SLC14A2: variants seen among roughly 807,000 people sequenced by gnomAD.
SLC14A2 encodes the protein urea transporter 2.
SLC14A2 carries 91 observed loss-of-function variants against 104.6 expected under a neutral mutation model. The ratio of observed to expected loss-of-function variants is 0.87; its 90% CI spans 0.73 to 1.04. The LOEUF (loss-of-function observed/expected upper bound fraction) is 1.04. SLC14A2 is among the 50% of genes least tolerant of loss of function. The pLI, the probability that SLC14A2 is intolerant of heterozygous loss-of-function variation, is 0.00. For missense variants in SLC14A2, 1,189 were observed against 1,156.0 expected (o/e 1.03, Z -0.41); for synonymous variants, 476 against 466.4 (o/e 1.02, Z -0.27).
At position 45,220,553 on chromosome 18, in the gene SLC14A2, G is replaced by T. The variant is rs567025982; in HGVS notation, c.-125+7362G>T. On this transcript the variant is annotated intron_variant, in intron 1 of 20. Transcript: ENST00000586448. Reference sequence around the variant, plus strand: ...CCCTAAATGAGTCTACAGTGAACCTGTCTGTCTTTCTGTTGTCACAGGCAT... The same window carrying T: ...CCCTAAATGAGTCTACAGTGAACCTTTCTGTCTTTCTGTTGTCACAGGCAT... Among the ~76,000 whole-genome samples the T allele has an allele frequency of 1.7e-3, 164 of 99,002 alleles. 1 individual carries two copies. The highest frequency in any genetic ancestry group is 0.014 in the Middle Eastern group (3 of 218). 64.9% of individuals were successfully genotyped at this position (99,002 alleles called of 152,430 possible).
rs1226247242 is a variant in SLC14A2, at chr18:45,626,847, G to A, written c.332-111G>A. The A allele has an allele frequency of 7.4e-6, 6 of 809,078 alleles. No homozygotes were observed. The South Asian group carries it at 1.0e-4, about 14-fold the overall frequency. 50.1% of individuals were successfully genotyped at this position (809,078 alleles called of 1,614,324 possible). ...CCCGACCCCTGGCCTGGCTGAATGG[G>A]AAGGGTCCTGGCTTGCACATTCCTG... On this transcript the variant is annotated intron_variant, in intron 3 of 19. Transcript: ENST00000255226.
At chr18:45,387,155 C>T (rs1376601310) in intron 1 of SLC14A2, among the ~76,000 whole-genome samples, 1 of 152,210 alleles carries the variant, frequency 6.6e-6, no homozygotes, top group Non-Finnish European at 1.5e-5. Flanking sequence ...TGCTGTATCT[C>T]CCTTACAACT....
At chr18:45,240,284 A>T (rs1303816384) in intron 1 of SLC14A2, among the ~76,000 whole-genome samples, 4 of 147,472 alleles carry the variant, frequency 2.7e-5, no homozygotes, top group Non-Finnish European at 4.5e-5. Context: ...TTTAGTAGAG[A>T]TGGGGTTTCA....
chr18:45,230,853 G>A (rs551037122), intron 1 of SLC14A2, among the ~76,000 whole-genome samples: 32 of 152,290 alleles, frequency 2.1e-4, no homozygotes, highest in African/African-American at 6.7e-4. Flanking sequence ...CTTCTGGAAC[G>A]TAGTTTCTTA....
chr18:45,401,340 T>C (rs981522024), intron 1 of SLC14A2, among the ~76,000 whole-genome samples: 1 of 152,322 alleles, frequency 6.6e-6, no homozygotes, highest in South Asian at 2.1e-4. Context: ...GCCATGAGGG[T>C]AGGGACTATT....
At chr18:45,200,247 A>G in the SLC14A2 span, among the ~76,000 whole-genome samples, 1 of 152,168 alleles carries the variant, frequency 6.6e-6, no homozygotes, top group Non-Finnish European at 1.5e-5. Context: ...AGAAAATGGA[A>G]TAAGCTTGCC....
At chr18:45,627,222 G>A in intron 4 of SLC14A2, 75 bp downstream of exon 4, 1 of 1,387,626 alleles carries the variant, frequency 7.2e-7, no homozygotes, top group Non-Finnish European at 1.0e-6. Context: ...TGAGTAATCA[G>A]TCAACCTTAC....
chr18:45,467,279 C>T (rs2087161525), intron 1 of SLC14A2, among the ~76,000 whole-genome samples: 1 of 152,188 alleles, frequency 6.6e-6, no homozygotes, highest in Non-Finnish European at 1.5e-5. Flanking sequence ...GGGAGCTGGC[C>T]TCACGAATAA....
At chr18:45,588,909 G>A (rs1186264487) in intron 2 of SLC14A2, among the ~76,000 whole-genome samples, 1 of 152,062 alleles carries the variant, frequency 6.6e-6, no homozygotes, top group Non-Finnish European at 1.5e-5. Context: ...GTTACAGGGA[G>A]AGGTGAAAGG....
intron 2 of SLC14A2, among the ~76,000 whole-genome samples, chr18:45,598,625 T>C (rs978876995): frequency 6.6e-6 from 1 of 152,218 alleles, no homozygotes; most frequent in Non-Finnish European, 1.5e-5. Flanking sequence ...AAAAATATCT[T>C]GGGCTATAGG....
chr18:45,487,106 C>T (rs1158432940), intron 2 of SLC14A2, among the ~76,000 whole-genome samples: 2 of 152,220 alleles, frequency 1.3e-5, no homozygotes, highest in African/African-American at 4.8e-5. Context: ...TGACAAGGGT[C>T]ACACTGGACT....
intron 2 of SLC14A2, among the ~76,000 whole-genome samples, chr18:45,513,663 C>T (rs1156679395): frequency 1.3e-5 from 2 of 152,174 alleles, no homozygotes; most frequent in African/African-American, 2.4e-5. Flanking sequence ...TGTGGATGAA[C>T]TGTGCCTCTA....
At chr18:45,244,154 T>C (rs2084346141) in intron 1 of SLC14A2, among the ~76,000 whole-genome samples, 1 of 152,298 alleles carries the variant, frequency 6.6e-6, no homozygotes, top group Admixed American at 6.5e-5. Flanking sequence ...AGCCCACCAA[T>C]CTAGCCCTTC....
chr18:45,500,276 G>A (rs778346369), intron 2 of SLC14A2, among the ~76,000 whole-genome samples: 5 of 152,090 alleles, frequency 3.3e-5, no homozygotes, highest in Non-Finnish European at 5.9e-5. Flanking sequence ...TGAAATCCTT[G>A]ACTTGAAATC....
At chr18:45,651,133 G>A (rs1250231162) in intron 10 of SLC14A2, among the ~76,000 whole-genome samples, 1 of 152,148 alleles carries the variant, frequency 6.6e-6, no homozygotes, top group African/African-American at 2.4e-5. Flanking sequence ...CTGTTCAACT[G>A]TAAACAGTCC....
At chr18:45,174,065 G>A in the SLC14A2 span, among the ~76,000 whole-genome samples, 1 of 152,084 alleles carries the variant, frequency 6.6e-6, no homozygotes, top group Non-Finnish European at 1.5e-5. Flanking sequence ...TATGTTACCA[G>A]GTCAATTTTT....
chr18:45,634,377 T>G (rs1443730323), intron 5 of SLC14A2, among the ~76,000 whole-genome samples: 1 of 152,182 alleles, frequency 6.6e-6, no homozygotes, highest in Non-Finnish European at 1.5e-5. Flanking sequence ...ATAAACTAGT[T>G]AATAAAAGGG....
intron 2 of SLC14A2, among the ~76,000 whole-genome samples, chr18:45,588,899 G>T (rs1049864665): frequency 2.0e-5 from 3 of 152,036 alleles, no homozygotes; most frequent in Non-Finnish European, 4.4e-5. Flanking sequence ...AAGCAAGGGA[G>T]TTACAGGGAG....
chr18:45,328,003 T>TGGA (rs2085253011), intron 1 of SLC14A2, among the ~76,000 whole-genome samples: 1 of 152,130 alleles, frequency 6.6e-6, no homozygotes, highest in South Asian at 2.1e-4. Context: ...AAGAGAATGT[T>TGGA]GGAAATATAC....
Sources: gnomAD v4.1 joint callset for allele counts (sites outside exome capture counted in the v4.1 genomes callset) on GRCh38, gnomAD v4.1.1 for gene constraint, MANE v1.5 for transcripts, NCBI Gene and HGNC (gene_info 2026-07-23, HGNC 2026-07-21) for gene names.